The following BAZ2B variants were observed in gnomAD, a reference collection of about 807,000 sequenced individuals.
BAZ2B encodes bromodomain adjacent to zinc finger domain protein 2B.
Under a neutral mutation model 246.0 loss-of-function variants are expected in BAZ2B, and 91 were observed. The ratio of observed to expected loss-of-function variants is 0.37; its 90% CI spans 0.31 to 0.44. The LOEUF is 0.44. BAZ2B is among the 20% of genes least tolerant of loss of function. BAZ2B has a pLI of 1.00. For synonymous variants in BAZ2B, 855 were observed against 860.0 expected, an observed-to-expected ratio of 0.99 and a Z score of 0.10; for missense variants, 2,332 against 2,533.7, an observed-to-expected ratio of 0.92 and a Z score of 1.71.
At chr2:159,681,748 A>T in the BAZ2B span, among the ~76,000 whole-genome samples, 4 of 152,090 alleles carry the variant, frequency 2.6e-5, no homozygotes, top group Non-Finnish European at 4.4e-5. Context: ...AACATGGTAA[A>T]ACCCCATCTC....
intron 1 of BAZ2B, among the ~76,000 whole-genome samples, chr2:159,569,607 T>G (rs1400352951): frequency 1.3e-5 from 2 of 152,208 alleles, no homozygotes; most frequent in African/African-American, 4.8e-5. Context: ...AAAAATGTAC[T>G]TTTTAGATTC....
chr2:159,592,353 T>TAA (rs1689592902), intron 1 of BAZ2B, among the ~76,000 whole-genome samples: 1 of 152,196 alleles, frequency 6.6e-6, no homozygotes, highest in African/African-American at 2.4e-5. Flanking sequence ...TCTTGCTATA[T>TAA]TGCCCAGGCT....
intron 13 of BAZ2B, among the ~76,000 whole-genome samples, chr2:159,420,063 T>A (rs1471681296): frequency 6.6e-6 from 1 of 152,232 alleles, no homozygotes; most frequent in East Asian, 1.9e-4. Context: ...CTGGGCAGCA[T>A]TGTGCCTACT....
intron 2 of BAZ2B, among the ~76,000 whole-genome samples, chr2:159,507,830 A>C (rs753440448): frequency 6.6e-6 from 1 of 152,208 alleles, no homozygotes; most frequent in Non-Finnish European, 1.5e-5. Flanking sequence ...TTGTTTCAAA[A>C]TGGAGGTAGA....
At chr2:159,439,800 G>A (rs35000093) in intron 6 of BAZ2B, among the ~76,000 whole-genome samples, 6,410 of 152,118 alleles carry the variant, frequency 0.042, 267 homozygotes, top group East Asian at 0.13. Context: ...CTATGGGGCT[G>A]CTTTAGTTAG....
At chr2:159,557,220 A>ATT (rs369943226) in intron 1 of BAZ2B, among the ~76,000 whole-genome samples, 18 of 124,114 alleles carry the variant, frequency 1.5e-4, no homozygotes, top group Admixed American at 5.1e-4. Flanking sequence ...TGGCTAATTA[A>ATT]TTTTTTTTTT....
intron 13 of BAZ2B, among the ~76,000 whole-genome samples, chr2:159,426,337 A>G (rs1261608230): frequency 6.6e-6 from 1 of 152,156 alleles, no homozygotes; most frequent in Non-Finnish European, 1.5e-5. Context: ...AATCTAGTGA[A>G]CTTAAAATCA....
In BAZ2B at chr2:159,462,962, A is replaced by T. The variant is rs563933086; in HGVS notation, c.146-9161T>A. On this transcript the variant is annotated intron_variant, in intron 3 of 36. Transcript: ENST00000392783. ...CACTTGCTTTTTTCTATAAGTGATC[A>T]AATGTAAAGGAAATTTTGTTTCTTG... 5.2e-5 allele frequency: 53 copies of T among 1,021,944 alleles called. No homozygotes were observed. The African/African-American group carries it at 6.4e-4, about 12-fold the overall frequency. 63.3% of individuals were successfully genotyped at this position (1,021,944 alleles called of 1,614,324 possible). A position where few individuals can be genotyped will look rare whatever the true frequency, so the allele number is the denominator to read the frequency against.
chr2:159,431,043 G>A lies in BAZ2B; in HGVS notation c.2014C>T (p.Leu672=). 6.2e-7 allele frequency: 1 copy of A among 1,613,952 alleles called. No homozygotes were observed. Among genetic ancestry groups the A allele is most frequent in the Non-Finnish European group, 8.5e-7 (1 of 1,179,870 alleles). ...TTGACAGAGGAAGTTGTTTTATTCA[G>A]TTTCATTGAAGTTTTCTCTCCTTCA... The part of the protein sequence containing the change: ...DTEGEKTSMK[L]NKTTSSVKSP... The change falls in exon 10 of 37, where the codon CTG becomes TTG. Residue 672 remains leucine (L), a synonymous_variant. Transcript: ENST00000392783.
rs114022343 is a variant in BAZ2B at position 159,321,294 on chromosome 2, A to G, written c.6354-876T>C. Among the ~76,000 whole-genome samples, 148 of 152,304 alleles carry G rather than the reference A, an allele frequency of 9.7e-4. 1 individual carries two copies. The highest frequency in any genetic ancestry group is 3.4e-3 in the African/African-American group (143 of 41,576). On this transcript the variant is annotated intron_variant, in intron 36 of 36. Transcript: ENST00000392783. ...GTATACTAAAATAATGTAACCATTA[A>G]AAATATCTCATGAGTGTAAATTAGT... is the stretch of plus-strand genomic sequence containing the variant.
chr2:159,493,941 T>C (rs1196515656), intron 2 of BAZ2B, among the ~76,000 whole-genome samples: 3 of 152,180 alleles, frequency 2.0e-5, no homozygotes, highest in African/African-American at 7.2e-5. Context: ...CCTTTGCCCT[T>C]CCACTGATGC....
At chr2:159,428,979 A>G (rs950028691) in intron 11 of BAZ2B, among the ~76,000 whole-genome samples, 3 of 152,068 alleles carry the variant, frequency 2.0e-5, no homozygotes, top group Non-Finnish European at 4.4e-5. Flanking sequence ...ACTTGGCTGT[A>G]TCATCCCACC....
intron 4 of BAZ2B, among the ~76,000 whole-genome samples, chr2:159,448,723 T>G (rs1038200275): frequency 6.6e-6 from 1 of 152,220 alleles, no homozygotes; most frequent in African/African-American, 2.4e-5. Context: ...ATTTCACTCT[T>G]TGATGACTTA....
chr2:159,496,552 G>A (rs1014987379), intron 2 of BAZ2B, among the ~76,000 whole-genome samples: 2 of 148,950 alleles, frequency 1.3e-5, no homozygotes, highest in African/African-American at 4.9e-5. Context: ...GGAGGCCAAG[G>A]TGGGCGGATC....
At position 159,405,073 on chromosome 2, in the gene BAZ2B, G is replaced by T. The variant is rs529486176; in HGVS notation, c.2719C>A (p.Leu907Ile). 44 of 1,613,974 alleles carry T rather than the reference G, an allele frequency of 2.7e-5. No homozygotes were observed. In the East Asian group the frequency reaches 9.1e-4, roughly 34 times the overall value. ...QAAQIKLLRK[L>I]QKQEQARVAK... ...ACCCGAGCCTGTTCCTGCTTTTGAA[G>T]TTTTCTCAAAAGCTTTATTTGTGCT... Residue 907 changes from leucine (L) to isoleucine (I), a missense_variant, in exon 15 of 37, where the codon CTT becomes ATT. By Grantham distance (5) the Leu-to-Ile change is conservative. This residue lies in a region of BAZ2B where 651 missense variants were observed against 650.9 expected (regional missense o/e 1.00). Coordinates refer to ENST00000392783, the MANE Select transcript of BAZ2B (RefSeq NM_013450.4).
intron 3 of BAZ2B, chr2:159,463,117 C>A: frequency 1.5e-6 from 1 of 671,194 alleles, no homozygotes; most frequent in South Asian, 1.6e-5. Context: ...TGCCCTTTCC[C>A]TGAGGAGACT....
Position 159,325,908 on chromosome 2 carries a change from T to C in BAZ2B, c.5954A>G (p.Gln1985Arg). Residue 1985 changes from glutamine (Q) to arginine (R), a missense_variant, in exon 35 of 37, where the codon CAA becomes CGA. Physicochemically the swap from Gln to Arg is conservative, Grantham distance 43. Coordinates refer to ENST00000392783, the MANE Select transcript of BAZ2B (RefSeq NM_013450.4). The part of the protein sequence containing the change: ...CPACIAKASG[Q>R]TLKIKKLHVK... ...ATGAAGTTTTTTGATTTTTAGAGTT[T>C]GACCACTTGCCTTTAATTTAAAAAA... 1 of 1,585,322 alleles carries C rather than the reference T, an allele frequency of 6.3e-7. No homozygotes were observed. Among genetic ancestry groups the C allele is most frequent in the Non-Finnish European group, 8.5e-7 (1 of 1,171,962 alleles).
intron 27 of BAZ2B, among the ~76,000 whole-genome samples, chr2:159,352,768 G>C (rs1212199102): frequency 6.6e-6 from 1 of 152,180 alleles, no homozygotes; most frequent in Non-Finnish European, 1.5e-5. Flanking sequence ...TTACAGGCAT[G>C]AGCCACTGTG....
At chr2:159,598,021 G>C (rs1043422392) in intron 1 of BAZ2B, among the ~76,000 whole-genome samples, 1 of 148,320 alleles carries the variant, frequency 6.7e-6, no homozygotes, top group Admixed American at 6.7e-5. Context: ...CTGAGACGGA[G>C]TCTCGCTCTG....
Sources: allele counts gnomAD v4.1 joint callset (sites outside exome capture counted in the v4.1 genomes callset), GRCh38; gene constraint gnomAD v4.1.1; regional missense constraint gnomAD v4.1.1; transcripts MANE v1.5; gene names NCBI Gene and HGNC (gene_info 2026-07-23, HGNC 2026-07-21).